Variants in CCDC30 observed in about 807,000 individuals in gnomAD.
CCDC30 encodes the protein coiled-coil domain containing 30, also known as coiled-coil domain-containing protein 30.
Under a neutral mutation model 100.2 loss-of-function variants are expected in CCDC30, and 70 were observed. That is an observed-to-expected ratio of 0.70 (90% CI 0.58 to 0.85). CCDC30 has a LOEUF of 0.85. CCDC30 is among the 40% of genes least tolerant of loss of function. The pLI is 0.00. For missense variants in CCDC30, 652 were observed against 771.2 expected, an observed-to-expected ratio of 0.85 and a Z score of 1.83; for synonymous variants, 233 against 269.5, an observed-to-expected ratio of 0.86 and a Z score of 1.33.
intron 2 of CCDC30, among the ~76,000 whole-genome samples, chr1:42,481,857 A>T (rs559480195): frequency 6.6e-6 from 1 of 152,334 alleles, no homozygotes; most frequent in Non-Finnish European, 1.5e-5. Context: ...ATCAGAAGCT[A>T]TCCAAATTTT....
At chr1:42,482,249 A>G (rs1203500538) in intron 2 of CCDC30, among the ~76,000 whole-genome samples, 9 of 151,672 alleles carry the variant, frequency 5.9e-5, no homozygotes, top group South Asian at 2.1e-4. Context: ...TCATTACATT[A>G]GAAAATCTGT....
intron 12 of CCDC30, among the ~76,000 whole-genome samples, chr1:42,642,208 A>T (rs1481580735): frequency 6.6e-6 from 1 of 152,022 alleles, no homozygotes; most frequent in Non-Finnish European, 1.5e-5. Flanking sequence ...CCTGGGTGAC[A>T]GGGCAAGTTC....
In CCDC30 at chr1:42,497,190, G is replaced by GA. The variant is rs896812189; in HGVS notation, c.341dup (p.Val115GlyfsTer4). On this transcript the variant is annotated frameshift_variant, in exon 5 of 17. Transcript: ENST00000668663. LOFTEE classifies it high-confidence loss of function. ...AAATAGGGTTCGATCACTTGACTCA[G>GA]AAAAAAAGGTGCTTGGTGAAATGGT... 3.2e-5 allele frequency: 39 copies of GA among 1,233,734 alleles called. No individual in the cohort carries two copies. Among genetic ancestry groups the GA allele is most frequent in the Non-Finnish European group, 3.7e-5 (37 of 987,802 alleles). The allele number at this position is 1,233,734 out of a possible 1,614,324, so 76.4% of individuals were successfully genotyped here. A position where few individuals can be genotyped will look rare whatever the true frequency, so the allele number is the denominator to read the frequency against.
chr1:42,551,816 G>A (rs966067842), intron 6 of CCDC30, among the ~76,000 whole-genome samples: 10 of 151,672 alleles, frequency 6.6e-5, no homozygotes, highest in African/African-American at 2.4e-4. Flanking sequence ...GTGCAGTGGT[G>A]CCATCACAGC....
At chr1:42,564,683 CT>C (rs1001381044) in intron 6 of CCDC30, among the ~76,000 whole-genome samples, 1 of 152,178 alleles carries the variant, frequency 6.6e-6, no homozygotes, top group African/African-American at 2.4e-5. Flanking sequence ...ATCTCACATA[CT>C]TTTTTGTGGT....
intron 15 of CCDC30, among the ~76,000 whole-genome samples, chr1:42,650,069 T>C (rs1035672315): frequency 4.6e-5 from 7 of 152,160 alleles, no homozygotes; most frequent in Non-Finnish European, 8.8e-5. Context: ...TCCAATGTCA[T>C]TTTTCGTAGA....
intron 6 of CCDC30, chr1:42,545,458 G>A (rs150600912): frequency 6.3e-7 from 1 of 1,598,584 alleles, no homozygotes; most frequent in Non-Finnish European, 8.5e-7. Flanking sequence ...TTTTACTCTA[G>A]GGGGAAAAAC....
chr1:42,549,785 T>C (rs1333077238), intron 6 of CCDC30, among the ~76,000 whole-genome samples: 2 of 152,156 alleles, frequency 1.3e-5, no homozygotes, highest in Admixed American at 6.5e-5. Flanking sequence ...GGAATTCCAA[T>C]AGCAGCCCCA....
chr1:42,469,847 T>C (rs1425488140), intron 1 of CCDC30, among the ~76,000 whole-genome samples: 1 of 152,098 alleles, frequency 6.6e-6, no homozygotes. Context: ...GATATTCAGT[T>C]TGATGGGAGA....
chr1:42,556,530 A>C, intron 6 of CCDC30, 125 bp downstream of exon 10: 1 of 1,044,016 alleles, frequency 9.6e-7, no homozygotes, highest in Non-Finnish European at 1.3e-6. Context: ...TACATAGTAG[A>C]TGTGTGTATT....
chr1:42,491,967 G>C, intron 4 of CCDC30: 2 of 899,280 alleles, frequency 2.2e-6, no homozygotes, highest in South Asian at 1.7e-5. Flanking sequence ...TCTGCAGAAT[G>C]ATGAAGTTGC....
intron 11 of CCDC30, among the ~76,000 whole-genome samples, chr1:42,613,602 G>A (rs1476305534): frequency 6.6e-6 from 1 of 152,122 alleles, no homozygotes; most frequent in Non-Finnish European, 1.5e-5. Flanking sequence ...CAGAACTGAG[G>A]GTTCCTCTTT....
chr1:42,456,651 G>T, the CCDC30 span: 1 of 1,594,560 alleles, frequency 6.3e-7, no homozygotes, highest in Non-Finnish European at 8.5e-7. Flanking sequence ...TTCGCGGCCA[G>T]GCTGGGCGCG....
rs58331027 is a variant in CCDC30, at chr1:42,578,239, T to C, written c.846+1010T>C. 8.2e-3 allele frequency among the ~76,000 whole-genome samples: 1,251 copies of C among 152,254 alleles called. 13 individuals are homozygous for C. Among genetic ancestry groups the C allele is most frequent in the African/African-American group, 0.027 (1,132 of 41,540 alleles). On this transcript the variant is annotated intron_variant, in intron 8 of 16. Coordinates refer to ENST00000668663, the Ensembl canonical transcript of CCDC30. ...AGCAATCTGAATTAAACTAAAAAAA[T>C]CTAATGTTGAGTTAAAGAAACCAGA...
intron 6 of CCDC30, among the ~76,000 whole-genome samples, chr1:42,562,680 A>T (rs1645517012): frequency 6.6e-6 from 1 of 152,106 alleles, no homozygotes; most frequent in Non-Finnish European, 1.5e-5. Flanking sequence ...AACCTAGAGA[A>T]TGGGGGAAAA....
chr1:42,564,314 T>C (rs1398658293), intron 6 of CCDC30, among the ~76,000 whole-genome samples: 1 of 151,702 alleles, frequency 6.6e-6, no homozygotes, highest in African/African-American at 2.4e-5. Flanking sequence ...TACAGCTTTA[T>C]TCAGGATTTT....
At chr1:42,639,291 A>T (rs1312728182) in intron 12 of CCDC30, among the ~76,000 whole-genome samples, 1 of 152,176 alleles carries the variant, frequency 6.6e-6, no homozygotes, top group African/African-American at 2.4e-5. Flanking sequence ...GAATTCAGAG[A>T]CTGGAATGAT....
downstream of CCDC30, among the ~76,000 whole-genome samples, chr1:42,654,996 CCA>C (rs1343381416): frequency 6.6e-6 from 1 of 151,808 alleles, no homozygotes; most frequent in Non-Finnish European, 1.5e-5. Flanking sequence ...TACACCAATA[CCA>C]CAGTCTTAAC....
At chr1:42,544,626 C>T (rs1645085762) in intron 6 of CCDC30, among the ~76,000 whole-genome samples, 1 of 152,126 alleles carries the variant, frequency 6.6e-6, no homozygotes, top group South Asian at 2.1e-4. Flanking sequence ...GCCATTTTTC[C>T]ATCTCAGCCT....
Sources: allele counts gnomAD v4.1 joint callset (sites outside exome capture counted in the v4.1 genomes callset), GRCh38; gene constraint gnomAD v4.1.1; transcripts MANE v1.5; gene names NCBI Gene and HGNC (gene_info 2026-07-23, HGNC 2026-07-21).